Variants in GABRG1 observed in about 807,000 individuals in gnomAD.
GABRG1 encodes gamma-aminobutyric acid type A receptor subunit gamma1, also known as gamma-aminobutyric acid receptor subunit gamma-1.
In GABRG1, 49 loss-of-function variants were observed where a neutral mutation model predicts 49.8. The ratio of observed to expected loss-of-function variants is 0.98; its 90% confidence interval spans 0.78 to 1.25. The LOEUF is 1.25. GABRG1 is among the 50% of genes most tolerant of loss of function. The probability of loss-of-function intolerance (pLI) is 0.00; values close to 1 mark genes in which losing one functional copy is unlikely to be tolerated. For synonymous variants in GABRG1, 232 were observed against 185.1 expected, an observed-to-expected ratio of 1.25 and a Z score of -2.06; for missense variants, 552 against 552.3, an observed-to-expected ratio of 1.00 and a Z score of 0.01.
intron 1 of GABRG1, among the ~76,000 whole-genome samples, chr4:46,120,988 G>T (rs1226345590): frequency 6.6e-6 from 1 of 151,784 alleles, no homozygotes; most frequent in Non-Finnish European, 1.5e-5. Flanking sequence ...TAAAGAACTT[G>T]TCAAGATGCC....
Position 46,040,380 on chromosome 4 carries a change from TG to T in GABRG1, c.*607del, listed in dbSNP as rs1717722849. The T allele has an allele frequency of 2.0e-5, 3 of 152,340 alleles. No individual in the cohort carries two copies. The Admixed American group carries it at 2.0e-4, about 10-fold the overall frequency. 9.4% of individuals were successfully genotyped at this position (152,340 alleles called of 1,614,324 possible). On this transcript the variant is annotated 3_prime_UTR_variant, in exon 9 of 9. Coordinates refer to ENST00000295452, the MANE Select transcript of GABRG1 (RefSeq NM_173536.4). ...TTTAATATTGTGTCAGAAAATGGAC[TG>T]GATTAAAAGACAGGTAAAAATTGAC... is the stretch of plus-strand genomic sequence containing the variant.
intron 1 of GABRG1, among the ~76,000 whole-genome samples, chr4:46,106,528 C>T (rs1192356536): frequency 6.6e-6 from 1 of 151,380 alleles, no homozygotes; most frequent in African/African-American, 2.4e-5. Flanking sequence ...GATTTACTTC[C>T]TCAAAACATA....
At chr4:46,104,628 C>T (rs1720478272) in intron 1 of GABRG1, among the ~76,000 whole-genome samples, 1 of 151,274 alleles carries the variant, frequency 6.6e-6, no homozygotes, top group Non-Finnish European at 1.5e-5. Context: ...AATAAAACAC[C>T]TATTTATATG....
At chr4:46,115,341 A>T (rs1386214238) in intron 1 of GABRG1, among the ~76,000 whole-genome samples, 1 of 150,718 alleles carries the variant, frequency 6.6e-6, no homozygotes. Context: ...AAATACAAGA[A>T]TTATTCCGTA....
intron 2 of GABRG1, among the ~76,000 whole-genome samples, chr4:46,094,786 A>C (rs1720113924): frequency 6.6e-6 from 1 of 152,022 alleles, no homozygotes; most frequent in Non-Finnish European, 1.5e-5. Context: ...GAACTTTGCT[A>C]TCGTGACATT....
intron 1 of GABRG1, among the ~76,000 whole-genome samples, chr4:46,115,757 C>G (rs1189068025): frequency 2.7e-5 from 4 of 150,698 alleles, no homozygotes; most frequent in Admixed American, 1.3e-4. Flanking sequence ...ATTTAAATTG[C>G]TTTTAGCACT....
chr4:46,093,123 TATA>T (rs1204459511), intron 2 of GABRG1, among the ~76,000 whole-genome samples: 3 of 148,874 alleles, frequency 2.0e-5, no homozygotes, highest in Admixed American at 6.7e-5. Context: ...CATATAGATA[TATA>T]ATATCAATCA....
At chr4:46,063,695 T>C (rs969385457) in intron 5 of GABRG1, among the ~76,000 whole-genome samples, 11 of 151,994 alleles carry the variant, frequency 7.2e-5, no homozygotes, top group Admixed American at 7.2e-4. Flanking sequence ...CTAATTAAAC[T>C]AAAGAGCTTC....
chr4:46,107,399 A>G (rs1213956422), intron 1 of GABRG1, among the ~76,000 whole-genome samples: 1 of 151,242 alleles, frequency 6.6e-6, no homozygotes, highest in African/African-American at 2.4e-5. Flanking sequence ...ACTATTTAAT[A>G]TTTTAATGCA....
At chr4:46,110,067 TTTTAC>T (rs776153073) in intron 1 of GABRG1, among the ~76,000 whole-genome samples, 124 of 151,212 alleles carry the variant, frequency 8.2e-4, no homozygotes, top group Admixed American at 1.1e-3. Flanking sequence ...AGAATTTCTT[TTTTAC>T]TTTACTTTTC....
intron 8 of GABRG1, among the ~76,000 whole-genome samples, chr4:46,042,461 G>C (rs980008213): frequency 6.6e-6 from 1 of 151,814 alleles, no homozygotes; most frequent in Non-Finnish European, 1.5e-5. Context: ...ACAACTTATT[G>C]TATTCAGCAA....
chr4:46,053,929 T>A (rs541536077), intron 7 of GABRG1, among the ~76,000 whole-genome samples: 6 of 152,050 alleles, frequency 3.9e-5, no homozygotes, highest in Non-Finnish European at 8.8e-5. Context: ...ACATTTTGGA[T>A]ATCATTGCTA....
At chr4:46,075,926 G>A (rs1356164419) in intron 3 of GABRG1, among the ~76,000 whole-genome samples, 3 of 151,964 alleles carry the variant, frequency 2.0e-5, no homozygotes, top group Non-Finnish European at 2.9e-5. Context: ...TGTAGTGTGT[G>A]GAATGAGAGA....
intron 2 of GABRG1, among the ~76,000 whole-genome samples, chr4:46,084,969 T>C (rs1719701136): frequency 6.6e-6 from 1 of 151,570 alleles, no homozygotes; most frequent in Admixed American, 6.6e-5. Flanking sequence ...ATGATTTTCA[T>C]GAAAGTCAAT....
At position 46,097,279 on chromosome 4, in the gene GABRG1, T is replaced by A. The variant is rs1329977841; in HGVS notation, c.175A>T (p.Ile59Phe). ...ATTTGTGTGATATCTCCTTCATGAA[T>A]TTTTGGGGCCAAGACCCAGGTTTTG... ...VNKTWVLAPK[I>F]HEGDITQILN... is the part of the protein sequence containing the mutation. Residue 59 changes from isoleucine (I) to phenylalanine (F), a missense_variant, in exon 2 of 9, where the codon ATT (isoleucine) becomes TTT (phenylalanine). Coordinates refer to ENST00000295452, the MANE Select transcript of GABRG1 (RefSeq NM_173536.4). The A allele has an allele frequency of 6.2e-7, 1 of 1,611,122 alleles. No homozygotes were observed. Among genetic ancestry groups the A allele is most frequent in the Non-Finnish European group, 8.5e-7 (1 of 1,178,142 alleles).
At chr4:46,113,978 C>T (rs963042952) in intron 1 of GABRG1, among the ~76,000 whole-genome samples, 1 of 150,930 alleles carries the variant, frequency 6.6e-6, no homozygotes, top group Admixed American at 6.6e-5. Context: ...TACTCTATGT[C>T]AAGAACTGTA....
At chr4:46,062,498 T>C (rs915593068) in intron 5 of GABRG1, among the ~76,000 whole-genome samples, 9 of 152,270 alleles carry the variant, frequency 5.9e-5, no homozygotes, top group African/African-American at 1.9e-4. Flanking sequence ...ACCAACAGTT[T>C]AAAAGTGTTC....
chr4:46,064,189 C>A (rs1482705596), intron 5 of GABRG1, among the ~76,000 whole-genome samples: 2 of 151,692 alleles, frequency 1.3e-5, no homozygotes, highest in Non-Finnish European at 2.9e-5. Flanking sequence ...TAAAAATAAG[C>A]AAATAGCATT....
chr4:46,118,098 A>G (rs962155242), intron 1 of GABRG1, among the ~76,000 whole-genome samples: 8 of 139,612 alleles, frequency 5.7e-5, no homozygotes, highest in Admixed American at 1.4e-4. Context: ...ATGTATACAT[A>G]TGTGTGTATA....
Sources: allele counts gnomAD v4.1 joint callset (sites outside exome capture counted in the v4.1 genomes callset), GRCh38; gene constraint gnomAD v4.1.1; transcripts MANE v1.5; gene names NCBI Gene and HGNC (gene_info 2026-07-23, HGNC 2026-07-21).